NIM1K: variants seen among roughly 807,000 people sequenced by gnomAD.
NIM1K encodes the protein serine/threonine-protein kinase NIM1.
Under a neutral mutation model 37.1 loss-of-function variants are expected in NIM1K, and 35 were observed. That is an observed-to-expected ratio of 0.94 (90% CI 0.72 to 1.25). The LOEUF (loss-of-function observed/expected upper bound fraction) is 1.25, where lower values mean the gene tolerates loss of function less well. Ranked by LOEUF, NIM1K falls within the 50% of genes most tolerant of loss-of-function variation. NIM1K has a pLI of 0.00. For synonymous variants in NIM1K, 234 were observed against 206.6 expected, an observed-to-expected ratio of 1.13 and a Z score of -1.14; for missense variants, 564 against 548.0, an observed-to-expected ratio of 1.03 and a Z score of -0.29.
intron 1 of NIM1K, among the ~76,000 whole-genome samples, chr5:43,198,932 T>G (rs1751976186): frequency 6.6e-6 from 1 of 151,984 alleles, no homozygotes; most frequent in South Asian, 2.1e-4. Context: ...CTCACACCTG[T>G]AATCCCAGCA....
chr5:43,266,426 C>A (rs2086133), intron 2 of NIM1K, among the ~76,000 whole-genome samples: 2 of 152,060 alleles, frequency 1.3e-5, no homozygotes, highest in East Asian at 1.9e-4. Context: ...GAGCCAGGTG[C>A]GGGATATGAT....
chr5:43,269,406 G>T (rs927950950), intron 2 of NIM1K, among the ~76,000 whole-genome samples: 1 of 149,986 alleles, frequency 6.7e-6, no homozygotes, highest in Non-Finnish European at 1.5e-5. Flanking sequence ...CCTTGTGCTT[G>T]TGTGAATCCT....
At chr5:43,244,761 C>T (rs1250697096) in intron 1 of NIM1K, among the ~76,000 whole-genome samples, 1 of 152,114 alleles carries the variant, frequency 6.6e-6, no homozygotes, top group African/African-American at 2.4e-5. Flanking sequence ...TTCATCTTTG[C>T]TATCATATTA....
chr5:43,206,031 T>C (rs925920709), intron 1 of NIM1K, among the ~76,000 whole-genome samples: 3 of 152,154 alleles, frequency 2.0e-5, no homozygotes, highest in Non-Finnish European at 2.9e-5. Context: ...TTACTACTAC[T>C]ATTTATTTGG....
At position 43,280,324 on chromosome 5, in the gene NIM1K, C is replaced by A. The variant is rs755065978; in HGVS notation, c.906C>A (p.Ile302=). 11 of 1,614,028 alleles carry A rather than the reference C, an allele frequency of 6.8e-6. No individual in the cohort carries two copies. In the South Asian group the frequency reaches 7.7e-5, roughly 11 times the overall value. ...PHVSEPCHRL[I]RGVLQQIPTE... is the part of the protein sequence containing the mutation. ...TGTCAGAGCCCTGCCACCGACTCAT[C>A]CGAGGAGTCCTTCAGCAGATCCCCA... Residue 302 remains isoleucine, a synonymous_variant, in exon 4 of 4, where the codon ATC becomes ATA. Coordinates refer to ENST00000326035, the MANE Select transcript of NIM1K (RefSeq NM_153361.4).
intron 1 of NIM1K, among the ~76,000 whole-genome samples, chr5:43,198,984 T>A (rs1310754370): frequency 6.6e-6 from 1 of 151,420 alleles, no homozygotes; most frequent in Non-Finnish European, 1.5e-5. Context: ...AGGTCAGGAG[T>A]TCGAGACCAG....
intron 1 of NIM1K, among the ~76,000 whole-genome samples, chr5:43,235,728 C>T (rs1245933447): frequency 6.6e-6 from 1 of 152,064 alleles, no homozygotes; most frequent in Non-Finnish European, 1.5e-5. Flanking sequence ...TTTGTTTGTG[C>T]GTGTGGTTTT....
intron 1 of NIM1K, among the ~76,000 whole-genome samples, chr5:43,221,131 G>A (rs996550313): frequency 2.0e-5 from 3 of 152,176 alleles, no homozygotes; most frequent in Non-Finnish European, 4.4e-5. Context: ...TGTTAAGTGA[G>A]TTGTGGTGTT....
chr5:43,230,802 C>T (rs1485780991), intron 1 of NIM1K, among the ~76,000 whole-genome samples: 1 of 152,254 alleles, frequency 6.6e-6, no homozygotes, highest in East Asian at 1.9e-4. Flanking sequence ...TTCTGTACCT[C>T]ACACTCCTTC....
chr5:43,233,915 T>A (rs368181656), intron 1 of NIM1K, among the ~76,000 whole-genome samples: 74 of 152,210 alleles, frequency 4.9e-4, no homozygotes, highest in African/African-American at 1.7e-3. Flanking sequence ...ATTCCTTTTG[T>A]TTGGAGGCAG....
intron 1 of NIM1K, among the ~76,000 whole-genome samples, chr5:43,219,230 G>C (rs954419567): frequency 2.7e-4 from 41 of 152,028 alleles, no homozygotes; most frequent in African/African-American, 9.9e-4. Context: ...TTCAGTTCGA[G>C]ACCAGCTTGG....
intron 1 of NIM1K, chr5:43,207,034 C>T (rs1752123982): frequency 2.4e-5 from 18 of 734,976 alleles, no homozygotes; most frequent in South Asian, 1.6e-4. Flanking sequence ...CACCTAAGTT[C>T]GAGGAGGAGC....
At chr5:43,265,369 A>G (rs938740986) in intron 2 of NIM1K, among the ~76,000 whole-genome samples, 2 of 151,856 alleles carry the variant, frequency 1.3e-5, no homozygotes, top group Admixed American at 6.6e-5. Flanking sequence ...CATTCATTTG[A>G]TCTTCAATCA....
At chr5:43,268,781 C>T (rs1753208267) in intron 2 of NIM1K, among the ~76,000 whole-genome samples, 2 of 151,736 alleles carry the variant, frequency 1.3e-5, no homozygotes, top group East Asian at 1.9e-4. Flanking sequence ...AGATTATTAT[C>T]ATTTAAACTA....
At chr5:43,213,374 G>A (rs1366452584) in intron 1 of NIM1K, among the ~76,000 whole-genome samples, 1 of 147,510 alleles carries the variant, frequency 6.8e-6, no homozygotes, top group Non-Finnish European at 1.5e-5. Flanking sequence ...TTGTCACCCA[G>A]GCTGGAGCGC....
intron 1 of NIM1K, among the ~76,000 whole-genome samples, chr5:43,239,383 G>A (rs905257347): frequency 1.3e-4 from 19 of 151,812 alleles, no homozygotes; most frequent in Non-Finnish European, 2.6e-4. Context: ...AATTACAGGT[G>A]CCCGCCACCA....
intron 1 of NIM1K, among the ~76,000 whole-genome samples, chr5:43,238,739 G>C (rs1330377199): frequency 6.6e-6 from 1 of 151,866 alleles, no homozygotes; most frequent in Non-Finnish European, 1.5e-5. Flanking sequence ...GTTTCAGAAA[G>C]TCTTTTCTCT....
intron 2 of NIM1K, among the ~76,000 whole-genome samples, chr5:43,259,664 C>G (rs1389381661): frequency 6.6e-6 from 1 of 151,910 alleles, no homozygotes; most frequent in African/African-American, 2.4e-5. Context: ...TGTTTGAGTT[C>G]CCTGTAAATT....
At chr5:43,272,626 T>C (rs751021999) in intron 2 of NIM1K, among the ~76,000 whole-genome samples, 1 of 152,196 alleles carries the variant, frequency 6.6e-6, no homozygotes, top group Non-Finnish European at 1.5e-5. Flanking sequence ...TCAGCTTCTC[T>C]CTACACAAAA....
Sources: gnomAD v4.1 joint callset for allele counts (sites outside exome capture counted in the v4.1 genomes callset) on GRCh38, gnomAD v4.1.1 for gene constraint, MANE v1.5 for transcripts, NCBI Gene and HGNC (gene_info 2026-07-23, HGNC 2026-07-21) for gene names.